Variants in DLGAP2 observed in about 807,000 individuals in gnomAD.
The protein encoded by DLGAP2 is DLG associated protein 2.
A neutral mutation model predicts 100.3 loss-of-function variants in DLGAP2; 26 were observed. The ratio of observed to expected loss-of-function variants is 0.26; its 90% CI spans 0.19 to 0.36. The LOEUF (loss-of-function observed/expected upper bound fraction) is 0.36, where lower values mean the gene tolerates loss of function less well. Among genes scored for constraint, DLGAP2 ranks in the 10% least tolerant of loss-of-function variants. The probability of loss-of-function intolerance (pLI) is 1.00; values close to 1 mark genes in which losing one functional copy is unlikely to be tolerated. For missense variants in DLGAP2, 1,858 were observed against 1,453.2 expected (o/e 1.28, Z -4.53); for synonymous variants, 886 against 630.1 (o/e 1.41, Z -6.08).
intron 12 of DLGAP2, among the ~76,000 whole-genome samples, chr8:1,684,501 A>C (rs1315572547): frequency 6.6e-6 from 1 of 152,126 alleles, no homozygotes; most frequent in Non-Finnish European, 1.5e-5. Flanking sequence ...CTGATCTCTG[A>C]ATATTGAAAT....
chr8:814,025 A>T (rs1191124977), intron 1 of DLGAP2, among the ~76,000 whole-genome samples: 1 of 152,218 alleles, frequency 6.6e-6, no homozygotes, highest in Non-Finnish European at 1.5e-5. Context: ...CCTCCTATTA[A>T]AATAAGCTTA....
In DLGAP2 at chr8:1,218,473, G is replaced by C. The variant is rs1273412703; in HGVS notation, c.74-40378G>C. On this transcript the variant is annotated intron_variant, in intron 2 of 14. Transcript: ENST00000637795. Reference sequence around the variant, plus strand: ...GTGTCTGGGTTTTGTTGTTGTTGTTGTTGTTGTTTTATTCTGTTTAGTTTT... The same window carrying C: ...GTGTCTGGGTTTTGTTGTTGTTGTTCTTGTTGTTTTATTCTGTTTAGTTTT... Among the ~76,000 whole-genome samples, 9 of 150,026 alleles carry C rather than the reference G, an allele frequency of 6.0e-5. 1 individual carries two copies. The South Asian group carries it at 1.9e-3, about 31-fold the overall frequency.
intron 3 of DLGAP2, among the ~76,000 whole-genome samples, chr8:1,352,209 T>C (rs1190162647): frequency 8.2e-6 from 1 of 121,854 alleles, no homozygotes; most frequent in African/African-American, 3.0e-5. Context: ...TGACTGTGTG[T>C]GGAAAGGCCG....
chr8:1,113,193 T>C (rs1805014781), intron 2 of DLGAP2, among the ~76,000 whole-genome samples: 2 of 152,230 alleles, frequency 1.3e-5, no homozygotes, highest in African/African-American at 4.8e-5. Flanking sequence ...GGGCTTTTTT[T>C]TGGTTCCATA....
rs572836175 is a variant in DLGAP2 at position 1,675,319 on chromosome 8, C to T, written c.2203-1214C>T. Among the ~76,000 whole-genome samples the T allele has an allele frequency of 2.1e-4, 32 of 152,354 alleles. No homozygotes were observed. The East Asian group carries it at 3.7e-3, about 17-fold the overall frequency. ...CCTAGCCCTGACCCCAACCAGGGCGCGCTCCTGAGCAAGTCACCCCCCTCC... is the reference window on the plus strand; with the variant it reads ...CCTAGCCCTGACCCCAACCAGGGCGTGCTCCTGAGCAAGTCACCCCCCTCC... On this transcript the variant is annotated intron_variant, in intron 10 of 14. Coordinates refer to ENST00000637795, the MANE Select transcript of DLGAP2 (RefSeq NM_001346810.2).
At chr8:1,256,484 G>A (rs1177592471) in intron 2 of DLGAP2, among the ~76,000 whole-genome samples, 1 of 122,468 alleles carries the variant, frequency 8.2e-6, no homozygotes, top group Non-Finnish European at 1.6e-5. Flanking sequence ...CCTGGGTGCT[G>A]TGTGTGTGTC....
At chr8:1,603,930 A>G (rs2956953) in intron 6 of DLGAP2, among the ~76,000 whole-genome samples, 116,525 of 151,816 alleles carry the variant, frequency 0.77, 44,894 homozygotes, top group East Asian at 0.92. Flanking sequence ...CCGTATGAGG[A>G]GTTTTCTGAG....
intron 8 of DLGAP2, among the ~76,000 whole-genome samples, chr8:1,633,353 A>C (rs1042582171): frequency 6.6e-6 from 1 of 152,206 alleles, no homozygotes; most frequent in Non-Finnish European, 1.5e-5. Context: ...AAGGTGATTA[A>C]GTTTTAAATA....
At chr8:1,123,561 A>C (rs1281666465) in intron 2 of DLGAP2, among the ~76,000 whole-genome samples, 2 of 152,234 alleles carry the variant, frequency 1.3e-5, no homozygotes, top group African/African-American at 4.8e-5. Flanking sequence ...GTTTGGTCTA[A>C]AACCTGGAAA....
intron 3 of DLGAP2, among the ~76,000 whole-genome samples, chr8:1,323,728 C>T (rs1800960270): frequency 6.6e-6 from 1 of 152,186 alleles, no homozygotes; most frequent in African/African-American, 2.4e-5. Flanking sequence ...AGCCCTGCCT[C>T]CGCTCCAATG....
rs71528625 is a variant in DLGAP2, at chr8:960,237, C to CTTTTTTTTTTTTTT, written c.73+52273_73+52286dup. On this transcript the variant is annotated intron_variant, in intron 2 of 14. Coordinates refer to ENST00000637795, the MANE Select transcript of DLGAP2 (RefSeq NM_001346810.2). ...TTGGGCAATTATTCCTGAAGTATAT[C>CTTTTTTTTTTTTTT]TTTTTTTTTTTTTTTCCCGAGACAC... 7.0e-3 allele frequency among the ~76,000 whole-genome samples: 311 copies of CTTTTTTTTTTTTTT among 44,640 alleles called. 58 individuals are homozygous for CTTTTTTTTTTTTTT. The highest frequency in any genetic ancestry group is 0.023 in the African/African-American group (265 of 11,358). 29.3% of individuals were successfully genotyped at this position (44,640 alleles called of 152,430 possible). A position where few individuals can be genotyped will look rare whatever the true frequency, so the allele number is the denominator to read the frequency against.
At chr8:1,003,903 G>C (rs1267405513) in intron 2 of DLGAP2, among the ~76,000 whole-genome samples, 2 of 152,144 alleles carry the variant, frequency 1.3e-5, no homozygotes, top group Non-Finnish European at 1.5e-5. Context: ...TTGTGTTTTT[G>C]TCATCATGTT....
chr8:1,048,945 G>C (rs77503203), intron 2 of DLGAP2, among the ~76,000 whole-genome samples: 2 of 152,178 alleles, frequency 1.3e-5, no homozygotes, highest in African/African-American at 4.8e-5. Context: ...TAGAAAAACA[G>C]CAGTGATTTG....
chr8:757,435 C>T (rs1232802384), intron 1 of DLGAP2, among the ~76,000 whole-genome samples: 2 of 152,254 alleles, frequency 1.3e-5, no homozygotes, highest in Admixed American at 1.3e-4. Flanking sequence ...ATTCATTTAG[C>T]ACCGTGTTTT....
intron 6 of DLGAP2, among the ~76,000 whole-genome samples, chr8:1,601,549 T>C (rs1239842751): frequency 6.6e-6 from 1 of 152,302 alleles, no homozygotes; most frequent in East Asian, 1.9e-4. Context: ...GGCTGCTGCC[T>C]TTCTTTCAGA....
intron 3 of DLGAP2, among the ~76,000 whole-genome samples, chr8:1,295,699 C>G (rs997974009): frequency 6.6e-6 from 1 of 152,134 alleles, no homozygotes. Context: ...AGAAGAAAAC[C>G]CACTCCGGGC....
chr8:1,194,679 C>T (rs1797711831), intron 2 of DLGAP2, among the ~76,000 whole-genome samples: 1 of 152,172 alleles, frequency 6.6e-6, no homozygotes, highest in African/African-American at 2.4e-5. Context: ...CTCACCTGAC[C>T]ACAGGGTCGT....
At chr8:1,303,218 A>C (rs1426164141) in intron 3 of DLGAP2, among the ~76,000 whole-genome samples, 1 of 152,172 alleles carries the variant, frequency 6.6e-6, no homozygotes, top group Non-Finnish European at 1.5e-5. Context: ...TAACACGGTG[A>C]AACCCCGTCT....
intron 2 of DLGAP2, among the ~76,000 whole-genome samples, chr8:1,180,858 C>T (rs1252593495): frequency 8.1e-5 from 8 of 98,936 alleles, no homozygotes; most frequent in Non-Finnish European, 1.6e-4. Context: ...GTACACTTAC[C>T]GTCGAATGTG....
Sources: allele counts gnomAD v4.1 joint callset (sites outside exome capture counted in the v4.1 genomes callset), GRCh38; gene constraint gnomAD v4.1.1; transcripts MANE v1.5; gene names NCBI Gene and HGNC (gene_info 2026-07-23, HGNC 2026-07-21).